The following SGSM2 variants were observed in gnomAD, a reference collection of about 807,000 sequenced individuals.
The protein encoded by SGSM2 is RUN and TBC1 domain containing 1.
Under a neutral mutation model 126.6 loss-of-function variants are expected in SGSM2, and 89 were observed. The observed-to-expected ratio is 0.70, with a 90% CI of 0.59 to 0.84. SGSM2 has a LOEUF of 0.84. Ranked by LOEUF, SGSM2 falls within the 40% of genes least tolerant of loss-of-function variation. The pLI is 0.00. For missense variants in SGSM2, 1,404 were observed against 1,416.6 expected, an observed-to-expected ratio of 0.99 and a Z score of 0.14; for synonymous variants, 614 against 574.3, an observed-to-expected ratio of 1.07 and a Z score of -0.99.
chr17:2,367,176 C>G lies in SGSM2; in HGVS notation c.1289-95C>G. 1 of 1,389,706 alleles carries G rather than the reference C, an allele frequency of 7.2e-7. No homozygotes were observed. Among genetic ancestry groups the G allele is most frequent in the Non-Finnish European group, 9.7e-7 (1 of 1,032,872 alleles). 86.1% of individuals were successfully genotyped at this position (1,389,706 alleles called of 1,614,324 possible). Reference sequence around the variant, plus strand: ...TCTGTGCCCTGCAGATTCACGATGACCCCGGCCTCCATTCCACTCCCCTTA... The same window carrying G: ...TCTGTGCCCTGCAGATTCACGATGAGCCCGGCCTCCATTCCACTCCCCTTA... On this transcript the variant is annotated intron_variant, in intron 11 of 23. Coordinates refer to ENST00000268989, the MANE Select transcript of SGSM2 (RefSeq NM_014853.3). This position sits in a 1 kb window ranked among gnomAD's most constrained non-coding sequence, Gnocchi z 4.0.
chr17:2,349,665 G>A lies in SGSM2; in HGVS notation c.133+6045G>A, dbSNP rs541217804. On this transcript the variant is annotated intron_variant, in intron 2 of 23. Transcript: ENST00000268989. ...GTGGTAGGAAACAATGGTTGCAGGC[G>A]GAGGAGCTGAAGCAAGATGGTCGTG... Among the ~76,000 whole-genome samples, 86 of 152,260 alleles carry A rather than the reference G, an allele frequency of 5.6e-4. 1 individual carries two copies. In the South Asian group the frequency reaches 0.016, roughly 28 times the overall value.
chr17:2,344,205 G>A (rs2064494419), intron 2 of SGSM2, among the ~76,000 whole-genome samples: 1 of 152,178 alleles, frequency 6.6e-6, no homozygotes, highest in Non-Finnish European at 1.5e-5. Flanking sequence ...TTCTCAGTGT[G>A]GCCAAGCCTT....
At position 2,362,696 on chromosome 17, in the gene SGSM2, C is replaced by G. The variant is rs529368811; in HGVS notation, c.459-142C>G. The G allele has an allele frequency of 6.0e-6, 5 of 836,926 alleles. No homozygotes were observed. The highest frequency in any genetic ancestry group is 5.3e-5 in the East Asian group (2 of 37,852). The allele number at this position is 836,926 out of a possible 1,614,324, so 51.8% of individuals were successfully genotyped here. A position where few individuals can be genotyped will look rare whatever the true frequency, so the allele number is the denominator to read the frequency against. On this transcript the variant is annotated intron_variant, in intron 4 of 23. Coordinates refer to ENST00000268989, the MANE Select transcript of SGSM2 (RefSeq NM_014853.3). This position sits in a 1 kb window ranked among gnomAD's most constrained non-coding sequence, Gnocchi z 4.9. Reference sequence around the variant, plus strand: ...GGCATTGGCCATACCAGGCACCTCACGAAGCCCAGTCCCTAAGGACTCACT... The same window carrying G: ...GGCATTGGCCATACCAGGCACCTCAGGAAGCCCAGTCCCTAAGGACTCACT...
Position 2,377,001 on chromosome 17 carries a change from T to C in SGSM2, c.2735T>C (p.Met912Thr), listed in dbSNP as rs1245693524. ...TGCTTCAGCCACCTCATGAAGAGGATGAGCCAGAACTTCCCCAACGGGGGT... is the reference window on the plus strand; with the variant it reads ...TGCTTCAGCCACCTCATGAAGAGGACGAGCCAGAACTTCCCCAACGGGGGT... ...YSCFSHLMKR[M>T]SQNFPNGGAM... is the part of the protein sequence containing the mutation. Residue 912 changes from methionine (M) to threonine (T), a missense_variant, in exon 21 of 24, where the codon ATG becomes ACG. By Grantham distance (81) the Met-to-Thr change is moderately conservative (BLOSUM62 -1). Coordinates refer to ENST00000268989, the MANE Select transcript of SGSM2 (RefSeq NM_014853.3). The C allele has an allele frequency of 6.2e-7, 1 of 1,613,922 alleles. No homozygotes were observed. Among genetic ancestry groups the C allele is most frequent in the African/African-American group, 1.3e-5 (1 of 75,056 alleles).
chr17:2,379,202 T>C lies in SGSM2; in HGVS notation c.3066T>C (p.Asn1022=), dbSNP rs2066312357. Residue 1022 remains asparagine, a splice_region_variant and synonymous_variant, in exon 23 of 24, where the codon AAT becomes AAC. Coordinates refer to ENST00000268989, the MANE Select transcript of SGSM2 (RefSeq NM_014853.3). ...TCACTGACATCATCAAGTTTTTCAA[T>C]GGTACGAGCTGGTCCAGCCATCCAG... ...MDFTDIIKFF[N]ERAEHHDAQE... is the part of the protein sequence containing the mutation. The C allele has an allele frequency of 1.9e-6, 3 of 1,614,024 alleles. No individual in the cohort carries two copies. The highest frequency in any genetic ancestry group is 2.5e-6 in the Non-Finnish European group (3 of 1,179,954).
intron 21 of SGSM2, 43 bp downstream of exon 21, chr17:2,377,111 T>C: frequency 1.6e-6 from 2 of 1,288,938 alleles, no homozygotes; most frequent in Non-Finnish European, 2.2e-6. Context: ...CAGGCAGTGC[T>C]GGGCTGGTCC....
chr17:2,345,122 GA>G (rs930179344), intron 2 of SGSM2, among the ~76,000 whole-genome samples: 6 of 146,310 alleles, frequency 4.1e-5, no homozygotes, highest in Admixed American at 1.4e-4. Flanking sequence ...CTATGCTCTG[GA>G]AAAAAAAAAG....
intron 2 of SGSM2, among the ~76,000 whole-genome samples, chr17:2,357,049 C>T (rs937828948): frequency 6.6e-6 from 1 of 152,066 alleles, no homozygotes; most frequent in Admixed American, 6.5e-5. Context: ...ATTCCATCAG[C>T]ATCTGTGGTC....
chr17:2,373,766 CT>C (rs1300711369), intron 17 of SGSM2: 11 of 486,424 alleles, frequency 2.3e-5, no homozygotes, highest in Non-Finnish European at 1.1e-5. Flanking sequence ...GAAAGATGGA[CT>C]TACTGGGATT....
At chr17:2,371,594 C>T in intron 13 of SGSM2, 179 bp downstream of exon 13, 2 of 703,298 alleles carry the variant, frequency 2.8e-6, no homozygotes, top group Non-Finnish European at 4.5e-6. Flanking sequence ...TTACCATGAG[C>T]CTCTACGTTT....
rs759033055 is a variant in SGSM2 at position 2,372,459 on chromosome 17, G to A, written c.1759G>A (p.Val587Met). ...GGCCTCCGCGGGCCTCACCAAGGAC[G>A]TGTGGAGCAAGTATCAGAAGGACAA... ...PGASAGLTKD[V>M]WSKYQKDKKN... The change falls in exon 15 of 24, where the codon GTG (valine) becomes ATG (methionine). Residue 587 changes from valine (V) to methionine (M), a missense_variant. Transcript: ENST00000268989. The surrounding 1 kb of genome is among the most constrained non-coding windows in gnomAD (Gnocchi z 6.0). 11 of 1,601,958 alleles carry A rather than the reference G, an allele frequency of 6.9e-6. No individual in the cohort carries two copies. The Admixed American group carries it at 8.8e-5, about 13-fold the overall frequency.
Position 2,372,769 on chromosome 17 carries a change from A to C in SGSM2, c.1789-184A>C. The C allele has an allele frequency of 1.1e-6, 1 of 870,528 alleles. No individual in the cohort carries two copies. The highest frequency in any genetic ancestry group is 1.7e-6 in the Non-Finnish European group (1 of 578,980). The allele number at this position is 870,528 out of a possible 1,614,324, so 53.9% of individuals were successfully genotyped here. On this transcript the variant is annotated intron_variant, in intron 15 of 23. Coordinates refer to ENST00000268989, the MANE Select transcript of SGSM2 (RefSeq NM_014853.3). The surrounding 1 kb of genome is among the most constrained non-coding windows in gnomAD (Gnocchi z 6.0). Reference sequence around the variant, plus strand: ...CTGCCCCTTAAGGAAGGAGAGCAGAACGAGATCTCATCCCACTGTGAGCTG... The same window carrying C: ...CTGCCCCTTAAGGAAGGAGAGCAGACCGAGATCTCATCCCACTGTGAGCTG...
At chr17:2,366,813 C>T (rs2065608392) in intron 11 of SGSM2, 1 of 153,978 alleles carries the variant, frequency 6.5e-6, no homozygotes, top group Non-Finnish European at 1.4e-5. Flanking sequence ...CTTTCCTTTT[C>T]CTGGGAGGGA....
chr17:2,339,223 C>T (rs1038951552), intron 1 of SGSM2, among the ~76,000 whole-genome samples: 1 of 151,782 alleles, frequency 6.6e-6, no homozygotes, highest in South Asian at 2.1e-4. Flanking sequence ...GTCAGGAGTT[C>T]CAGACCAGCC....
chr17:2,362,045 A>T lies in SGSM2; in HGVS notation c.297-64A>T. On this transcript the variant is annotated intron_variant, in intron 3 of 23. Coordinates refer to ENST00000268989, the MANE Select transcript of SGSM2 (RefSeq NM_014853.3). This position sits in a 1 kb window ranked among gnomAD's most constrained non-coding sequence, Gnocchi z 4.9. The stretch of plus-strand genomic sequence containing the variant: ...CTTGGGGTACCAAGCCCCACTCCCA[A>T]TGCCAGCATTCTGGGGTTTACCCCT... The T allele has an allele frequency of 6.5e-7, 1 of 1,545,390 alleles. No homozygotes were observed. The highest frequency in any genetic ancestry group is 8.7e-7 in the Non-Finnish European group (1 of 1,149,782).
intron 12 of SGSM2, among the ~76,000 whole-genome samples, chr17:2,369,261 T>C (rs1191086098): frequency 6.6e-6 from 1 of 152,158 alleles, no homozygotes; most frequent in Non-Finnish European, 1.5e-5. Context: ...TGCATGTGAA[T>C]CAGTGGCGGG....
intron 12 of SGSM2, among the ~76,000 whole-genome samples, chr17:2,369,539 A>G (rs948885458): frequency 1.3e-5 from 2 of 152,048 alleles, no homozygotes; most frequent in African/African-American, 4.8e-5. Flanking sequence ...AGCCCCAGCT[A>G]TCTGCACTGG....
intron 1 of SGSM2, among the ~76,000 whole-genome samples, chr17:2,339,368 G>A (rs918929867): frequency 1.3e-5 from 2 of 152,120 alleles, no homozygotes; most frequent in African/African-American, 2.4e-5. Context: ...CCCAGGAGGT[G>A]TGGTTGCAGT....
chr17:2,376,836 G>A, intron 20 of SGSM2, 21 bp downstream of exon 20: 1 of 1,613,882 alleles, frequency 6.2e-7, no homozygotes, highest in Non-Finnish European at 8.5e-7. Context: ...GCGGGACATG[G>A]GACTGGGCTG....
Sources: gnomAD v4.1 joint callset for allele counts (sites outside exome capture counted in the v4.1 genomes callset) on GRCh38, gnomAD v4.1.1 for gene constraint, Gnocchi (gnomAD v3.1) non-coding constraint, MANE v1.5 for transcripts, NCBI Gene and HGNC (gene_info 2026-07-23, HGNC 2026-07-21) for gene names.